Variants in SLC4A8 observed in about 807,000 individuals in gnomAD.
SLC4A8 encodes electroneutral sodium bicarbonate exchanger 1.
Under a neutral mutation model 125.0 loss-of-function variants are expected in SLC4A8, and 40 were observed. That is an observed-to-expected ratio of 0.32 (90% CI 0.25 to 0.42). The LOEUF is 0.42. SLC4A8 is among the 10% of genes least tolerant of loss of function. The probability of loss-of-function intolerance (pLI) is 1.00; values close to 1 mark genes in which losing one functional copy is unlikely to be tolerated. For synonymous variants in SLC4A8, 456 were observed against 476.0 expected, an observed-to-expected ratio of 0.96 and a Z score of 0.55; for missense variants, 863 against 1,355.1, an observed-to-expected ratio of 0.64 and a Z score of 5.70.
At chr12:51,410,752 G>T (rs1463242619) in intron 1 of SLC4A8, among the ~76,000 whole-genome samples, 5 of 151,920 alleles carry the variant, frequency 3.3e-5, no homozygotes, top group Middle Eastern at 3.2e-3. Context: ...GAGTCACCAT[G>T]CCTGGCCAAT....
At chr12:51,393,631 A>G (rs1436645745) in intron 1 of SLC4A8, among the ~76,000 whole-genome samples, 4 of 152,190 alleles carry the variant, frequency 2.6e-5, no homozygotes, top group African/African-American at 9.7e-5. Flanking sequence ...TGTGGAGAAG[A>G]AGAGTTGCCC....
At chr12:51,440,817 G>A (rs1436366206) in intron 2 of SLC4A8, 28 bp downstream of exon 2, 1 of 1,573,444 alleles carries the variant, frequency 6.4e-7, no homozygotes, top group East Asian at 2.3e-5. Context: ...GTGTGATCAG[G>A]GAAATTGGTG....
intron 1 of SLC4A8, among the ~76,000 whole-genome samples, chr12:51,417,744 C>T (rs1948714113): frequency 1.3e-5 from 2 of 152,198 alleles, no homozygotes; most frequent in Admixed American, 6.5e-5. Context: ...TCTCGAACTC[C>T]TGACCTCGTG....
intron 19 of SLC4A8, among the ~76,000 whole-genome samples, chr12:51,491,085 G>C (rs1951304117): frequency 6.6e-6 from 1 of 152,102 alleles, no homozygotes; most frequent in Non-Finnish European, 1.5e-5. Context: ...TTTCTGACTT[G>C]ACCATCTGGT....
chr12:51,461,191 T>C lies in SLC4A8; in HGVS notation c.1014-13T>C. On this transcript the variant is annotated splice_polypyrimidine_tract_variant and intron_variant, in intron 8 of 24. Coordinates refer to ENST00000453097, the MANE Select transcript of SLC4A8 (RefSeq NM_001039960.3). ...TTTACTTACATAATTTCCTCCTCTG[T>C]GTGTTTTGCCAGATTTTTGTTTATC... 1 of 1,501,094 alleles carries C rather than the reference T, an allele frequency of 6.7e-7. No individual in the cohort carries two copies. The highest frequency in any genetic ancestry group is 1.7e-5 in the Admixed American group (1 of 59,538). 93.0% of individuals were successfully genotyped at this position (1,501,094 alleles called of 1,614,324 possible).
intron 20 of SLC4A8, 78 bp from the exon 21 acceptor site, chr12:51,494,867 A>G: frequency 8.9e-7 from 1 of 1,119,520 alleles, no homozygotes; most frequent in East Asian, 2.4e-5. Context: ...CAGGTAATGT[A>G]AGAGATATGA....
chr12:51,503,955 G>A (rs1186772889), intron 22 of SLC4A8, 74 bp from the exon 23 acceptor site: 1 of 762,566 alleles, frequency 1.3e-6, no homozygotes. Context: ...GGTAGAAATT[G>A]TGGTAGAAGA....
chr12:51,504,193 G>A (rs1432942595), intron 23 of SLC4A8, 73 bp downstream of exon 23: 1 of 860,194 alleles, frequency 1.2e-6, no homozygotes, highest in African/African-American at 1.7e-5. Flanking sequence ...GGTGGTGGTG[G>A]TGTCACAAGT....
At chr12:51,417,390 AG>A (rs1948705809) in intron 1 of SLC4A8, among the ~76,000 whole-genome samples, 1 of 151,162 alleles carries the variant, frequency 6.6e-6, no homozygotes, top group Non-Finnish European at 1.5e-5. Flanking sequence ...TCTGTTGCCC[AG>A]GTTGGAGTGC....
intron 16 of SLC4A8, among the ~76,000 whole-genome samples, chr12:51,485,400 G>A (rs933150244): frequency 6.6e-6 from 1 of 150,878 alleles, no homozygotes; most frequent in Non-Finnish European, 1.5e-5. Context: ...CTTGCAAATA[G>A]ACTGGCTATT....
chr12:51,473,487 A>G (rs1950766809), intron 14 of SLC4A8, among the ~76,000 whole-genome samples: 1 of 152,068 alleles, frequency 6.6e-6, no homozygotes, highest in Non-Finnish European at 1.5e-5. Context: ...AGCTTTCCCT[A>G]TTACTTTTCG....
rs563052446 is a variant in SLC4A8, at chr12:51,494,861, T to C, written c.2770-84T>C. ...GGTGTTACCTACCTTTCAGAGCAGG[T>C]AATGTAAGAGATATGAATTGGTCTA... On this transcript the variant is annotated intron_variant, in intron 20 of 24. Coordinates refer to ENST00000453097, the MANE Select transcript of SLC4A8 (RefSeq NM_001039960.3). 9.5e-5 allele frequency: 97 copies of C among 1,025,896 alleles called. No individual in the cohort carries two copies. In the African/African-American group the frequency reaches 1.4e-3, roughly 15 times the overall value. 63.5% of individuals were successfully genotyped at this position (1,025,896 alleles called of 1,614,324 possible).
chr12:51,456,114 T>C (rs1311391658), intron 5 of SLC4A8, among the ~76,000 whole-genome samples: 1 of 152,160 alleles, frequency 6.6e-6, no homozygotes, highest in Non-Finnish European at 1.5e-5. Context: ...TGAGATCACC[T>C]GCACTGTGGG....
Position 51,470,403 on chromosome 12 carries a change from A to G in SLC4A8, c.1536A>G (p.Glu512=), listed in dbSNP as rs1328462899. 6 of 1,613,926 alleles carry G rather than the reference A, an allele frequency of 3.7e-6. No homozygotes were observed. Among genetic ancestry groups the G allele is most frequent in the Non-Finnish European group, 5.1e-6 (6 of 1,179,932 alleles). The change falls in exon 13 of 25, where the codon GAA becomes GAG. Residue 512 remains glutamate (E), a synonymous_variant. Coordinates refer to ENST00000453097, the MANE Select transcript of SLC4A8 (RefSeq NM_001039960.3). ...TTTTTTCCTCTCAGAGTGCAATTGA[A>G]TCCTTGTTTGGAGCTTCCATGACTG... The part of the protein sequence containing the change: ...EATEGRISAI[E]SLFGASMTGI...
At chr12:51,485,725 C>G in intron 16 of SLC4A8, 62 bp from the exon 17 acceptor site, 2 of 871,580 alleles carry the variant, frequency 2.3e-6, no homozygotes, top group Non-Finnish European at 3.8e-6. Context: ...TTTTACAATA[C>G]TAACCTCTTT....
upstream of SLC4A8, chr12:51,422,214 T>C (rs1397118580): frequency 6.6e-6 from 1 of 152,230 alleles, no homozygotes; most frequent in Non-Finnish European, 1.5e-5. Context: ...ATTATGACTA[T>C]TAAATGACAC....
intron 1 of SLC4A8, among the ~76,000 whole-genome samples, chr12:51,411,767 G>A (rs1948601955): frequency 6.6e-6 from 1 of 152,134 alleles, no homozygotes. Flanking sequence ...AAGTGTTTAA[G>A]AAGTTCTATT....
intron 22 of SLC4A8, among the ~76,000 whole-genome samples, chr12:51,500,860 T>TTTTC (rs1555199909): frequency 4.6e-5 from 7 of 151,160 alleles, no homozygotes; most frequent in South Asian, 2.1e-4. Context: ...CTTTTTTTTT[T>TTTTC]TTTCTTTCTT....
intron 16 of SLC4A8, among the ~76,000 whole-genome samples, chr12:51,484,678 A>G (rs1473069174): frequency 6.6e-6 from 1 of 152,198 alleles, no homozygotes; most frequent in Admixed American, 6.5e-5. Flanking sequence ...GGAAGCTTAG[A>G]TTAAGGCAGG....
Sources: gnomAD v4.1 joint callset for allele counts (sites outside exome capture counted in the v4.1 genomes callset) on GRCh38, gnomAD v4.1.1 for gene constraint, MANE v1.5 for transcripts, NCBI Gene and HGNC (gene_info 2026-07-23, HGNC 2026-07-21) for gene names.